Variants in IMMP2L observed in about 807,000 individuals in gnomAD.
IMMP2L encodes the protein inner mitochondrial membrane peptidase subunit 2, also known as mitochondrial inner membrane protease subunit 2.
In IMMP2L, 18 loss-of-function variants were observed where a neutral mutation model predicts 19.3. The ratio of observed to expected loss-of-function variants is 0.93; its 90% confidence interval spans 0.64 to 1.38. The LOEUF is 1.38. Ranked by LOEUF, IMMP2L falls within the 40% of genes most tolerant of loss-of-function variation. The pLI is 0.00. For missense variants in IMMP2L, 233 were observed against 218.2 expected, an observed-to-expected ratio of 1.07 and a Z score of -0.43; for synonymous variants, 76 against 73.0, an observed-to-expected ratio of 1.04 and a Z score of -0.21.
At chr7:111,018,817 A>ATTATTATTATTATTT (rs1825975875) in intron 3 of IMMP2L, among the ~76,000 whole-genome samples, 1 of 147,858 alleles carries the variant, frequency 6.8e-6, no homozygotes, top group Non-Finnish European at 1.5e-5. Flanking sequence ...TATTATTATT[A>ATTATTATTATTATTT]TTATTATTAT....
chr7:110,842,514 G>A (rs1366995984), intron 5 of IMMP2L, among the ~76,000 whole-genome samples: 1 of 152,182 alleles, frequency 6.6e-6, no homozygotes, highest in African/African-American at 2.4e-5. Context: ...CAAACCAAAT[G>A]CCATCTTCCT....
intron 5 of IMMP2L, among the ~76,000 whole-genome samples, chr7:110,861,351 T>A (rs1200230522): frequency 6.6e-6 from 1 of 151,858 alleles, no homozygotes; most frequent in Non-Finnish European, 1.5e-5. Context: ...CAATATTGGC[T>A]CACTGCATCC....
chr7:111,462,568 C>T (rs111950951), intron 3 of IMMP2L, among the ~76,000 whole-genome samples: 3,076 of 152,072 alleles, frequency 0.02, 105 homozygotes, highest in African/African-American at 0.07. Flanking sequence ...GTACGGGTGA[C>T]AATACAAGCA....
intron 4 of IMMP2L, among the ~76,000 whole-genome samples, chr7:110,944,146 T>C (rs534017002): frequency 6.6e-6 from 1 of 152,080 alleles, no homozygotes; most frequent in South Asian, 2.1e-4. Flanking sequence ...CTAGATTTCA[T>C]AAGGCAGGAT....
chr7:110,785,634 G>A (rs1303135168), intron 5 of IMMP2L, among the ~76,000 whole-genome samples: 3 of 151,884 alleles, frequency 2.0e-5, no homozygotes, highest in Admixed American at 6.6e-5. Context: ...TACTATGGTA[G>A]TCTTTTCAGG....
intron 2 of IMMP2L, among the ~76,000 whole-genome samples, chr7:111,506,434 G>C (rs553094791): frequency 6.6e-6 from 1 of 151,726 alleles, no homozygotes; most frequent in East Asian, 1.9e-4. Flanking sequence ...TTCTTGCCCT[G>C]TCCCCCAGGC....
intron 5 of IMMP2L, among the ~76,000 whole-genome samples, chr7:110,720,578 C>A (rs536534703): frequency 7.8e-4 from 118 of 152,186 alleles, no homozygotes; most frequent in South Asian, 1.0e-3. Flanking sequence ...CACGTACATA[C>A]AATAAAACAA....
intron 3 of IMMP2L, among the ~76,000 whole-genome samples, chr7:111,433,084 G>C (rs944847009): frequency 6.6e-6 from 1 of 151,708 alleles, no homozygotes; most frequent in East Asian, 1.9e-4. Flanking sequence ...AAGAAAAGAG[G>C]TTCAATTGGC....
chr7:111,368,612 T>C (rs1017205559), intron 3 of IMMP2L, among the ~76,000 whole-genome samples: 1 of 151,916 alleles, frequency 6.6e-6, no homozygotes, highest in South Asian at 2.1e-4. Context: ...CTCCCTTCAA[T>C]CCTGTGAGCT....
At chr7:111,002,355 G>T (rs189841171) in intron 3 of IMMP2L, among the ~76,000 whole-genome samples, 1 of 152,104 alleles carries the variant, frequency 6.6e-6, no homozygotes, top group South Asian at 2.1e-4. Context: ...AAAAAAGAGC[G>T]AAGAAAACAA....
chr7:110,744,140 CA>C (rs1016906604), intron 5 of IMMP2L, among the ~76,000 whole-genome samples: 7 of 152,130 alleles, frequency 4.6e-5, no homozygotes, highest in African/African-American at 1.7e-4. Flanking sequence ...ACAAAGCCAC[CA>C]GGACGTTCGA....
At chr7:111,093,811 C>T (rs955735484) in intron 3 of IMMP2L, among the ~76,000 whole-genome samples, 7 of 152,104 alleles carry the variant, frequency 4.6e-5, no homozygotes, top group African/African-American at 1.4e-4. Context: ...CATAGTCTCC[C>T]CAAATCATGT....
intron 5 of IMMP2L, among the ~76,000 whole-genome samples, chr7:110,731,298 A>C (rs1796262123): frequency 6.6e-6 from 1 of 152,222 alleles, no homozygotes; most frequent in Non-Finnish European, 1.5e-5. Flanking sequence ...AATATCATAA[A>C]AAATATAAAT....
At chr7:110,891,608 A>T (rs1274563517) in intron 4 of IMMP2L, among the ~76,000 whole-genome samples, 1 of 152,258 alleles carries the variant, frequency 6.6e-6, no homozygotes, top group East Asian at 1.9e-4. Context: ...TACTGGATTT[A>T]TGAATATACA....
chr7:111,328,969 A>G (rs1196643029), intron 3 of IMMP2L, among the ~76,000 whole-genome samples: 1 of 151,870 alleles, frequency 6.6e-6, no homozygotes, highest in Non-Finnish European at 1.5e-5. Context: ...TGATTTTTAC[A>G]TTAGTAAGAC....
chr7:111,464,201 G>T (rs1378461891), intron 3 of IMMP2L, among the ~76,000 whole-genome samples: 2 of 152,082 alleles, frequency 1.3e-5, no homozygotes, highest in Non-Finnish European at 2.9e-5. Context: ...AGGATTACAG[G>T]TATAGCTTAC....
chr7:111,504,655 A>G (rs891922311), intron 2 of IMMP2L, among the ~76,000 whole-genome samples: 1 of 152,194 alleles, frequency 6.6e-6, no homozygotes, highest in African/African-American at 2.4e-5. Flanking sequence ...CAGAGCCCTC[A>G]GAAATAATGC....
chr7:110,703,119 C>T (rs879873268), intron 5 of IMMP2L, among the ~76,000 whole-genome samples: 5 of 151,956 alleles, frequency 3.3e-5, no homozygotes, highest in South Asian at 2.1e-4. Flanking sequence ...CCCTTATATG[C>T]CCAGTTTTCT....
intron 3 of IMMP2L, among the ~76,000 whole-genome samples, chr7:111,316,802 C>T (rs1824131458): frequency 6.7e-6 from 1 of 148,258 alleles, no homozygotes; most frequent in Non-Finnish European, 1.5e-5. Flanking sequence ...TCAAATCTCA[C>T]AACAACCCAA....
Sources: gnomAD v4.1 joint callset for allele counts (sites outside exome capture counted in the v4.1 genomes callset) on GRCh38, gnomAD v4.1.1 for gene constraint, MANE v1.5 for transcripts, NCBI Gene and HGNC (gene_info 2026-07-23, HGNC 2026-07-21) for gene names.